Variants in TMPO observed in about 807,000 individuals in gnomAD.
The protein encoded by TMPO is LEM domain containing 4.
TMPO carries 22 observed loss-of-function variants against 45.4 expected under a neutral mutation model. The observed-to-expected ratio is 0.48, with a 90% confidence interval of 0.35 to 0.69. The LOEUF is 0.69. Among genes scored for constraint, TMPO ranks in the 30% least tolerant of loss-of-function variants. The pLI is 0.01. For missense variants in TMPO, 512 were observed against 548.8 expected (o/e 0.93, Z 0.67); for synonymous variants, 241 against 204.1 (o/e 1.18, Z -1.54).
chr12:98,542,148 G>A (rs1877950889), intron 4 of TMPO, among the ~76,000 whole-genome samples: 1 of 152,068 alleles, frequency 6.6e-6, no homozygotes, highest in African/African-American at 2.4e-5. Flanking sequence ...TTTATCTTGG[G>A]GAAGCGTACC....
chr12:98,519,933 T>C (rs1233389414), intron 1 of TMPO, among the ~76,000 whole-genome samples: 1 of 152,100 alleles, frequency 6.6e-6, no homozygotes, highest in Non-Finnish European at 1.5e-5. Flanking sequence ...TACCAGGTCA[T>C]ATTTCTTTTT....
At chr12:98,528,039 T>C in intron 2 of TMPO, 27 bp downstream of exon 2, 1 of 1,613,372 alleles carries the variant, frequency 6.2e-7, no homozygotes, top group Non-Finnish European at 8.5e-7. Context: ...TCAAATACAG[T>C]ATCTTTTCTC....
chr12:98,533,163 C>T lies in TMPO; in HGVS notation c.565+1325C>T, dbSNP rs769234694. On this transcript the variant is annotated intron_variant, in intron 3 of 8. Transcript: ENST00000556029. Reference sequence around the variant, plus strand: ...CATCTTCTCAGCCTGAACACAGTGCCATGTTGGTCTCTACTGCAGCTTCTC... The same window carrying T: ...CATCTTCTCAGCCTGAACACAGTGCTATGTTGGTCTCTACTGCAGCTTCTC... 5.6e-6 allele frequency: 9 copies of T among 1,614,004 alleles called. 1 individual carries two copies. Among genetic ancestry groups the T allele is most frequent in the Admixed American group, 1.7e-5 (1 of 59,994 alleles).
intron 3 of TMPO, chr12:98,535,305 A>G (rs1372769190): frequency 5.1e-6 from 5 of 982,248 alleles, no homozygotes; most frequent in East Asian, 1.1e-4. Flanking sequence ...AAATTATACT[A>G]TATCCCAGTA....
At chr12:98,522,215 A>G (rs1230631123) in intron 1 of TMPO, among the ~76,000 whole-genome samples, 2 of 152,108 alleles carry the variant, frequency 1.3e-5, no homozygotes, top group Admixed American at 6.5e-5. Flanking sequence ...TAGTCTCACT[A>G]TGTTGACCAG....
Position 98,523,947 on chromosome 12 carries a change from A to G in TMPO, c.280-3939A>G, listed in dbSNP as rs115559506. 4.2e-3 allele frequency among the ~76,000 whole-genome samples: 632 copies of G among 151,902 alleles called. 6 individuals are homozygous for G. Among genetic ancestry groups the G allele is most frequent in the African/African-American group, 0.014 (572 of 41,514 alleles). On this transcript the variant is annotated intron_variant, in intron 1 of 8. Coordinates refer to ENST00000556029, the MANE Select transcript of TMPO (RefSeq NM_001032283.3). ...TCCCTCCTCGGCCTCCCAAAGTGCT[A>G]GAATTACAGACATGAGCCACTGCCG...
chr12:98,536,782 A>G (rs1877598495), intron 3 of TMPO, among the ~76,000 whole-genome samples: 2 of 152,214 alleles, frequency 1.3e-5, no homozygotes, highest in South Asian at 4.1e-4. Flanking sequence ...AATAACTATC[A>G]TGGTGACAAG....
At chr12:98,520,457 C>CCACT (rs1486200209) in intron 1 of TMPO, among the ~76,000 whole-genome samples, 3 of 151,866 alleles carry the variant, frequency 2.0e-5, no homozygotes, top group Non-Finnish European at 4.4e-5. Context: ...CAGGCACACA[C>CCACT]CACTACTCCT....
intron 2 of TMPO, among the ~76,000 whole-genome samples, chr12:98,531,250 T>C (rs1163478775): frequency 6.7e-6 from 1 of 149,806 alleles, no homozygotes; most frequent in Non-Finnish European, 1.5e-5. Flanking sequence ...TTTTTTTTTT[T>C]TTTTTTTTAA....
chr12:98,547,662 A>G lies in TMPO; in HGVS notation c.1169A>G (p.Tyr390Cys), dbSNP rs746991454. 9.9e-6 allele frequency: 16 copies of G among 1,614,116 alleles called. No homozygotes were observed. The highest frequency in any genetic ancestry group is 1.4e-5 in the Non-Finnish European group (16 of 1,180,054). The change falls in exon 9 of 9, where the codon TAT (tyrosine) becomes TGT (cysteine). Residue 390 changes from tyrosine (Y) to cysteine (C), a missense_variant. Tyr to Cys is a radical substitution (Grantham distance 194). This residue lies in a region of TMPO where 209 missense variants were observed against 235.1 expected (regional missense o/e 0.89). Coordinates refer to ENST00000556029, the MANE Select transcript of TMPO (RefSeq NM_001032283.3). ...ATGGAGGAGTCTTTTTCATCTAAAT[A>G]TGTTCCTAAGTATGTTCCCTTGGCA... ...FRMEESFSSK[Y>C]VPKYVPLADV...
Position 98,520,298 on chromosome 12 carries a change from CTTCCTTCCTTCT to C in TMPO, c.279+4153_279+4164del, listed in dbSNP as rs1427726529. ...CCTTCCTTCCTTCCTTCCTTCCTTC[CTTCCTTCCTTCT>C]GTGTGTGTGAGAGATGGAGTCTCAC... On this transcript the variant is annotated intron_variant, in intron 1 of 8. Coordinates refer to ENST00000556029, the MANE Select transcript of TMPO (RefSeq NM_001032283.3). Among the ~76,000 whole-genome samples, 321 of 147,776 alleles carry C rather than the reference CTTCCTTCCTTCT, an allele frequency of 2.2e-3. 4 individuals are homozygous for C. The highest frequency in any genetic ancestry group is 7.5e-3 in the African/African-American group (298 of 39,964).
chr12:98,523,919 T>TC (rs1876569180), intron 1 of TMPO, among the ~76,000 whole-genome samples: 2 of 152,208 alleles, frequency 1.3e-5, no homozygotes, highest in African/African-American at 4.8e-5. Context: ...CAACGGGAGA[T>TC]CCTCCCTCCT....
intron 1 of TMPO, among the ~76,000 whole-genome samples, chr12:98,518,454 C>T (rs1157394231): frequency 1.5e-5 from 2 of 137,574 alleles, no homozygotes; most frequent in African/African-American, 2.8e-5. Context: ...CCGCTACACC[C>T]GGCTAATTTT....
intron 1 of TMPO, chr12:98,516,527 G>T: frequency 9.6e-7 from 1 of 1,046,232 alleles, no homozygotes; most frequent in Non-Finnish European, 1.1e-6. Context: ...GGTTAAGTTC[G>T]AGCGTTTTCC....
intron 4 of TMPO, among the ~76,000 whole-genome samples, chr12:98,539,731 C>T (rs913209875): frequency 2.0e-5 from 3 of 152,150 alleles, no homozygotes; most frequent in African/African-American, 7.2e-5. Context: ...GCCTTGGCCT[C>T]CCAGATTGCT....
intron 4 of TMPO, among the ~76,000 whole-genome samples, chr12:98,542,959 A>T (rs1402642312): frequency 2.0e-5 from 3 of 152,254 alleles, no homozygotes; most frequent in Non-Finnish European, 4.4e-5. Context: ...TTCAGCAAAT[A>T]CTTCCTAATT....
chr12:98,530,212 T>C (rs763187236), intron 2 of TMPO, among the ~76,000 whole-genome samples: 24 of 151,914 alleles, frequency 1.6e-4, no homozygotes, highest in Non-Finnish European at 3.5e-4. Context: ...TAGTGCACAC[T>C]TGTAGTCCTA....
chr12:98,522,717 G>A (rs1168294570), intron 1 of TMPO, among the ~76,000 whole-genome samples: 1 of 152,184 alleles, frequency 6.6e-6, no homozygotes, highest in African/African-American at 2.4e-5. Flanking sequence ...AAACGAATAA[G>A]GTAGATAAGT....
chr12:98,526,338 G>T (rs1876757479), intron 1 of TMPO, among the ~76,000 whole-genome samples: 1 of 152,108 alleles, frequency 6.6e-6, no homozygotes, highest in Non-Finnish European at 1.5e-5. Flanking sequence ...TTGGTTCCAG[G>T]ACCCGGCCAT....
Sources: gnomAD v4.1 joint callset for allele counts (sites outside exome capture counted in the v4.1 genomes callset) on GRCh38, gnomAD v4.1.1 for gene constraint, gnomAD v4.1.1 regional missense constraint, MANE v1.5 for transcripts, NCBI Gene and HGNC (gene_info 2026-07-23, HGNC 2026-07-21) for gene names.